Variants in ZNF330 observed in about 807,000 individuals in gnomAD.
ZNF330 encodes zinc finger protein 330.
Under a neutral mutation model 45.5 loss-of-function variants are expected in ZNF330, and 31 were observed. The observed-to-expected ratio is 0.68, with a 90% CI of 0.51 to 0.92. The LOEUF is 0.92. Among genes scored for constraint, ZNF330 ranks in the 40% least tolerant of loss-of-function variants. ZNF330 has a pLI of 0.00. For synonymous variants in ZNF330, 138 were observed against 123.2 expected, an observed-to-expected ratio of 1.12 and a Z score of -0.79; for missense variants, 356 against 387.4, an observed-to-expected ratio of 0.92 and a Z score of 0.68.
chr4:141,226,002 C>T lies in ZNF330; in HGVS notation c.212-765C>T, dbSNP rs151299064. On this transcript the variant is annotated intron_variant, in intron 4 of 9. Transcript: ENST00000262990. ...TTTGTTCCTTAGGAAATCAAGATAA[C>T]GGAAAATTGTTTCTTTTGTGTTCCA... Among the ~76,000 whole-genome samples the T allele has an allele frequency of 1.2e-3, 181 of 152,090 alleles. 1 individual carries two copies. The highest frequency in any genetic ancestry group is 3.9e-3 in the African/African-American group (162 of 41,510).
rs375158856 is a variant in ZNF330 at position 141,233,805 on chromosome 4, A to G, written c.779A>G (p.Asp260Gly). 22 of 1,613,576 alleles carry G rather than the reference A, an allele frequency of 1.4e-5. No homozygotes were observed. The African/African-American group carries it at 2.7e-4, about 20-fold the overall frequency. The part of the protein sequence containing the change: ...YDAYWKNLSS[D>G]KYGDTSYHDE... ...GCTTATTGGAAGAACCTTTCATCTG[A>G]TAAGTATGGTGATACCAGCTACCAC... The change falls in exon 10 of 10, where the codon GAT becomes GGT. Residue 260 changes from aspartate to glycine, a missense_variant. Asp to Gly is a moderately conservative substitution (Grantham distance 94). Transcript: ENST00000262990.
chr4:141,224,162 T>C, intron 2 of ZNF330: 1 of 390,424 alleles, frequency 2.6e-6, no homozygotes, highest in Non-Finnish European at 4.7e-6. Flanking sequence ...AGGCTTAGAA[T>C]GTACTTAACT....
intron 4 of ZNF330, among the ~76,000 whole-genome samples, chr4:141,225,074 G>C (rs554599186): frequency 5.9e-5 from 9 of 151,920 alleles, no homozygotes; most frequent in Admixed American, 5.9e-4. Flanking sequence ...TAGACCATTG[G>C]GAATAATTTT....
chr4:141,224,924 G>C (rs761495741), intron 4 of ZNF330, among the ~76,000 whole-genome samples: 2 of 152,114 alleles, frequency 1.3e-5, no homozygotes, highest in African/African-American at 2.4e-5. Context: ...ACCAATAAGT[G>C]TTTTTAAACA....
chr4:141,224,500 G>T lies in ZNF330; in HGVS notation c.134G>T (p.Cys45Phe). ...PCNASMECDK[C>F]QRRQKNRAFC... ...TATATGTTACAGGAATGTGACAAGT[G>T]TCAGAGGTAAATTTTATTTCTTTTT... is the stretch of plus-strand genomic sequence containing the variant. Residue 45 changes from cysteine (C) to phenylalanine (F), a missense_variant, in exon 3 of 10, where the codon TGT becomes TTT. Cys to Phe is a radical substitution (Grantham distance 205). Transcript: ENST00000262990. 6.2e-7 allele frequency: 1 copy of T among 1,608,772 alleles called. No homozygotes were observed. Among genetic ancestry groups the T allele is most frequent in the Non-Finnish European group, 8.5e-7 (1 of 1,176,498 alleles).
At position 141,234,044 on chromosome 4, in the gene ZNF330, G is replaced by C; in HGVS notation, c.*55G>C. 6.4e-7 allele frequency: 1 copy of C among 1,553,090 alleles called. No homozygotes were observed. The highest frequency in any genetic ancestry group is 8.7e-7 in the Non-Finnish European group (1 of 1,153,376). On this transcript the variant is annotated 3_prime_UTR_variant, in exon 10 of 10. Transcript: ENST00000262990. Reference sequence around the variant, plus strand: ...GGAGCAGGAGTGAGTGTGTGTGCTTGATGAATTGTGTGTGGTTGTTCAAAA... The same window carrying C: ...GGAGCAGGAGTGAGTGTGTGTGCTTCATGAATTGTGTGTGGTTGTTCAAAA...
Position 141,232,651 on chromosome 4 carries a change from C to T in ZNF330, c.688+9C>T, listed in dbSNP as rs766418531. ...GGACCTTAGCATGTCAAGTAAGGCC[C>T]TTAAGATACTAAGGAAGTGATTTTT... On this transcript the variant is annotated intron_variant, in intron 9 of 9. Transcript: ENST00000262990. 1 of 1,449,036 alleles carries T rather than the reference C, an allele frequency of 6.9e-7. No homozygotes were observed. The allele number at this position is 1,449,036 out of a possible 1,614,324, so 89.8% of individuals were successfully genotyped here.
chr4:141,232,376 A>T, intron 8 of ZNF330, 149 bp from the exon 9 acceptor site: 1 of 433,852 alleles, frequency 2.3e-6, no homozygotes, highest in Non-Finnish European at 4.1e-6. Flanking sequence ...CATTTCTGTT[A>T]AGAAAATGAA....
rs748480999 is a variant in ZNF330 at position 141,226,851 on chromosome 4, GCTT to G, written c.291+9_291+11del. On this transcript the variant is annotated splice_donor_region_variant and intron_variant, in intron 5 of 9. Transcript: ENST00000262990. ...AGTACTGGCCTTGCAATGGTGGTAAGCTTCTTATTATCTCTTAGACTAGTACGT... is the reference window on the plus strand; with the variant it reads ...AGTACTGGCCTTGCAATGGTGGTAAGCTTATTATCTCTTAGACTAGTACGT... 2.4e-5 allele frequency: 39 copies of G among 1,608,986 alleles called. No homozygotes were observed. Among genetic ancestry groups the G allele is most frequent in the Admixed American group, 6.7e-5 (4 of 59,682 alleles).
intron 5 of ZNF330, 124 bp from the exon 6 acceptor site, chr4:141,229,447 G>C: frequency 8.1e-7 from 1 of 1,232,864 alleles, no homozygotes; most frequent in Non-Finnish European, 1.1e-6. Flanking sequence ...TAAATGAAGC[G>C]GCCTACTATC....
At chr4:141,230,536 G>A (rs930349871) in intron 7 of ZNF330, among the ~76,000 whole-genome samples, 7 of 151,960 alleles carry the variant, frequency 4.6e-5, no homozygotes, top group Non-Finnish European at 7.4e-5. Context: ...TACACCTTTC[G>A]TGGTTCAGAG....
In ZNF330 at chr4:141,232,580, A is replaced by G. The variant is rs1487236635; in HGVS notation, c.626A>G (p.Lys209Arg). The change falls in exon 9 of 10, where the codon AAA (lysine) becomes AGA (arginine). Residue 209 changes from lysine to arginine, a missense_variant. Physicochemically the swap from Lys to Arg is conservative, Grantham distance 26. Coordinates refer to ENST00000262990, the MANE Select transcript of ZNF330 (RefSeq NM_014487.6). ...RSKVFKQEKGKQPPCPKCGHE... is the reference protein window; with the variant it reads ...RSKVFKQEKGRQPPCPKCGHE... ...AAAGTGTTTAAGCAAGAAAAAGGAA[A>G]ACAGCCTCCTTGTCCTAAATGTGGG... The G allele has an allele frequency of 6.2e-7, 1 of 1,601,330 alleles. No individual in the cohort carries two copies. Among genetic ancestry groups the G allele is most frequent in the East Asian group, 2.3e-5 (1 of 44,264 alleles).
Position 141,226,789 on chromosome 4 carries a change from G to T in ZNF330, c.234G>T (p.Lys78Asn). 1 of 1,612,968 alleles carries T rather than the reference G, an allele frequency of 6.2e-7. No individual in the cohort carries two copies. Among genetic ancestry groups the T allele is most frequent in the Non-Finnish European group, 8.5e-7 (1 of 1,179,306 alleles). The change falls in exon 5 of 10, where the codon AAG becomes AAT. Residue 78 changes from lysine (K) to asparagine (N), a missense_variant. Transcript: ENST00000262990. ...AQCGKTKCMM[K>N]SSDCVIKHAG... ...TAGGGAAAACAAAGTGCATGATGAA[G>T]TCTTCAGACTGTGTCATAAAGCATG...
At chr4:141,226,923 T>G in intron 5 of ZNF330, 77 bp downstream of exon 5, 1 of 1,175,552 alleles carries the variant, frequency 8.5e-7, no homozygotes, top group South Asian at 1.4e-5. Flanking sequence ...GGTTATTTTT[T>G]TCTAAATATC....
intron 1 of ZNF330, among the ~76,000 whole-genome samples, chr4:141,221,792 A>G (rs1379058308): frequency 6.6e-6 from 1 of 151,626 alleles, no homozygotes; most frequent in Non-Finnish European, 1.5e-5. Context: ...GCATTTGTTA[A>G]AGTCAGAGCA....
intron 1 of ZNF330, 80 bp from the exon 2 acceptor site, chr4:141,222,286 G>C: frequency 3.3e-6 from 5 of 1,493,940 alleles, no homozygotes; most frequent in Non-Finnish European, 4.5e-6. Flanking sequence ...AGGACACTTT[G>C]TTATACTATT....
At chr4:141,230,101 A>G (rs904460990) in intron 6 of ZNF330, 65 bp from the exon 7 acceptor site, 2 of 1,159,468 alleles carry the variant, frequency 1.7e-6, no homozygotes, top group South Asian at 1.3e-5. Context: ...AAGCAGTATT[A>G]TAGATATGAG....
chr4:141,229,747 T>A, intron 6 of ZNF330, 50 bp downstream of exon 6: 1 of 1,607,210 alleles, frequency 6.2e-7, no homozygotes, highest in Non-Finnish European at 8.5e-7. Flanking sequence ...GAATGTTGAC[T>A]TTGAAACATT....
Position 141,234,209 on chromosome 4 carries a change from C to T in ZNF330, c.*220C>T, listed in dbSNP as rs1010743663. On this transcript the variant is annotated 3_prime_UTR_variant, in exon 10 of 10. Transcript: ENST00000262990. Reference sequence around the variant, plus strand: ...TTTCAAATTTAAGATGTTTATTGATCGAAGCAATTGAAGTATCATGGATTG... The same window carrying T: ...TTTCAAATTTAAGATGTTTATTGATTGAAGCAATTGAAGTATCATGGATTG... 2.1e-5 allele frequency: 17 copies of T among 821,132 alleles called. No individual in the cohort carries two copies. The highest frequency in any genetic ancestry group is 1.2e-4 in the African/African-American group (7 of 57,524). The allele number at this position is 821,132 out of a possible 1,614,324, so 50.9% of individuals were successfully genotyped here. A position where few individuals can be genotyped will look rare whatever the true frequency, so the allele number is the denominator to read the frequency against.
Sources: gnomAD v4.1 joint callset for allele counts (sites outside exome capture counted in the v4.1 genomes callset) on GRCh38, gnomAD v4.1.1 for gene constraint, MANE v1.5 for transcripts, NCBI Gene and HGNC (gene_info 2026-07-23, HGNC 2026-07-21) for gene names.